The following SLCO6A1 variants were observed in gnomAD, a reference collection of about 807,000 sequenced individuals.
SLCO6A1 encodes the protein solute carrier organic anion transporter family member 6A1, also known as cancer/testis antigen 48.
SLCO6A1 carries 65 observed loss-of-function variants against 72.7 expected under a neutral mutation model. The ratio of observed to expected loss-of-function variants is 0.89; its 90% CI spans 0.73 to 1.10. The LOEUF (loss-of-function observed/expected upper bound fraction) is 1.10, where lower values mean the gene tolerates loss of function less well. Among genes scored for constraint, SLCO6A1 ranks in the 50% least tolerant of loss-of-function variants. SLCO6A1 has a pLI of 0.00. For synonymous variants in SLCO6A1, 314 were observed against 298.2 expected (o/e 1.05, Z -0.55); for missense variants, 874 against 872.6 (o/e 1.00, Z -0.02).
chr5:102,395,326 T>C (rs1561425758), intron 10 of SLCO6A1, among the ~76,000 whole-genome samples: 1 of 152,186 alleles, frequency 6.6e-6, no homozygotes, highest in Non-Finnish European at 1.5e-5. Context: ...TTGCTGAGAA[T>C]GATGGTTTCC....
intron 6 of SLCO6A1, among the ~76,000 whole-genome samples, chr5:102,452,682 G>T (rs1750482558): frequency 6.6e-6 from 1 of 152,114 alleles, no homozygotes; most frequent in African/African-American, 2.4e-5. Flanking sequence ...CAAGAAACAT[G>T]GTAAGAGTAG....
chr5:102,376,396 T>C (rs1745795045), intron 12 of SLCO6A1, among the ~76,000 whole-genome samples: 1 of 152,070 alleles, frequency 6.6e-6, no homozygotes, highest in Non-Finnish European at 1.5e-5. Flanking sequence ...ATCATATTAA[T>C]ATTAAAGACA....
chr5:102,399,562 T>C lies in SLCO6A1; in HGVS notation c.1807A>G (p.Met603Val). The C allele has an allele frequency of 1.3e-6, 2 of 1,542,306 alleles. No individual in the cohort carries two copies. The highest frequency in any genetic ancestry group is 1.8e-6 in the Non-Finnish European group (2 of 1,141,718). ...TGAGTAATATATACATACCGCGTCATGGCCAAGACGATTGGTACACCAGAA... is the reference window on the plus strand; with the variant it reads ...TGAGTAATATATACATACCGCGTCACGGCCAAGACGATTGGTACACCAGAA... ...GFSGVPIVLA[M>V]TRVVPDKLRS... Residue 603 changes from methionine (M) to valine (V), a missense_variant, in exon 10 of 14, where the codon ATG becomes GTG. By Grantham distance (21) the Met-to-Val change is conservative. Coordinates refer to ENST00000506729, the MANE Select transcript of SLCO6A1 (RefSeq NM_173488.5).
intron 10 of SLCO6A1, among the ~76,000 whole-genome samples, chr5:102,394,791 T>C (rs1309042687): frequency 6.6e-6 from 1 of 152,102 alleles, no homozygotes; most frequent in Non-Finnish European, 1.5e-5. Context: ...TAGTTACTTG[T>C]ATGTGCATAA....
At chr5:102,482,544 T>C (rs888405941) in intron 1 of SLCO6A1, among the ~76,000 whole-genome samples, 11 of 152,174 alleles carry the variant, frequency 7.2e-5, no homozygotes, top group African/African-American at 2.4e-4. Context: ...CTGGGAGTGG[T>C]TGAATGTTGT....
intron 9 of SLCO6A1, among the ~76,000 whole-genome samples, chr5:102,411,830 G>T (rs1432945033): frequency 6.6e-6 from 1 of 152,096 alleles, no homozygotes; most frequent in Non-Finnish European, 1.5e-5. Flanking sequence ...GTCCTTTGTG[G>T]GGGGGAAATG....
chr5:102,440,395 G>A (rs563927374), intron 6 of SLCO6A1, among the ~76,000 whole-genome samples: 5 of 152,126 alleles, frequency 3.3e-5, no homozygotes, highest in African/African-American at 9.7e-5. Flanking sequence ...AGGGATTTAG[G>A]TTGTGCGATC....
At chr5:102,465,675 T>C (rs915268035) in intron 4 of SLCO6A1, among the ~76,000 whole-genome samples, 1 of 152,088 alleles carries the variant, frequency 6.6e-6, no homozygotes, top group African/African-American at 2.4e-5. Context: ...GCATCATTAG[T>C]AGTGACAAGG....
intron 1 of SLCO6A1, 39 bp downstream of exon 1, chr5:102,498,448 G>GCTGCCCTCGCCACAACAAACCGCCTC: frequency 6.4e-7 from 1 of 1,574,744 alleles, no homozygotes; most frequent in Non-Finnish European, 8.6e-7. Context: ...TGCGGCCCCA[G>GCTGCCCTCGCCACAACAAACCGCCTC]CTGCCCTCGC....
At chr5:102,498,164 C>T (rs1033043778) in intron 1 of SLCO6A1, among the ~76,000 whole-genome samples, 1 of 152,108 alleles carries the variant, frequency 6.6e-6, no homozygotes, top group Non-Finnish European at 1.5e-5. Flanking sequence ...CTGATCCCAT[C>T]CCAGAATGCT....
chr5:102,447,038 C>A (rs1750150670), intron 6 of SLCO6A1, among the ~76,000 whole-genome samples: 1 of 152,206 alleles, frequency 6.6e-6, no homozygotes, highest in Non-Finnish European at 1.5e-5. Context: ...AGGTGTGAAC[C>A]ACCACGCCCG....
At chr5:102,445,382 T>C (rs1351358577) in intron 6 of SLCO6A1, among the ~76,000 whole-genome samples, 1 of 152,178 alleles carries the variant, frequency 6.6e-6, no homozygotes, top group African/African-American at 2.4e-5. Flanking sequence ...GAAAAGACAC[T>C]CTTGAAAAAG....
intron 4 of SLCO6A1, among the ~76,000 whole-genome samples, chr5:102,474,407 C>T (rs1327088806): frequency 6.6e-6 from 1 of 151,958 alleles, no homozygotes; most frequent in Non-Finnish European, 1.5e-5. Context: ...TACCTTACAC[C>T]ATATACAAAA....
At chr5:102,410,038 A>G (rs1439961650) in intron 9 of SLCO6A1, among the ~76,000 whole-genome samples, 3 of 152,180 alleles carry the variant, frequency 2.0e-5, no homozygotes, top group African/African-American at 7.2e-5. Context: ...TCTGTGGCTA[A>G]TGTGCCTTTG....
intron 12 of SLCO6A1, among the ~76,000 whole-genome samples, chr5:102,384,268 C>T (rs1746283607): frequency 6.6e-6 from 1 of 151,874 alleles, no homozygotes; most frequent in African/African-American, 2.4e-5. Flanking sequence ...TGAGGTGTAA[C>T]ATTAGATTCA....
At chr5:102,478,747 G>A (rs932099667) in intron 2 of SLCO6A1, among the ~76,000 whole-genome samples, 32 of 152,076 alleles carry the variant, frequency 2.1e-4, no homozygotes, top group African/African-American at 7.2e-4. Flanking sequence ...TTAACCATGG[G>A]TTGACATTTA....
At chr5:102,490,128 T>A (rs1466116006) in intron 1 of SLCO6A1, among the ~76,000 whole-genome samples, 3 of 152,182 alleles carry the variant, frequency 2.0e-5, no homozygotes, top group African/African-American at 7.2e-5. Flanking sequence ...CAATGAGTAC[T>A]AAGTTACAGT....
intron 2 of SLCO6A1, among the ~76,000 whole-genome samples, chr5:102,478,433 T>C (rs940516797): frequency 6.6e-6 from 1 of 152,220 alleles, no homozygotes; most frequent in African/African-American, 2.4e-5. Flanking sequence ...GTTCACCTCT[T>C]TAACAATCTT....
Position 102,420,036 on chromosome 5 carries a change from G to A in SLCO6A1, c.1277-15C>T, listed in dbSNP as rs768436043. The A allele has an allele frequency of 6.4e-7, 1 of 1,552,448 alleles. No homozygotes were observed. The highest frequency in any genetic ancestry group is 1.2e-5 in the South Asian group (1 of 80,596). ...TAAAACAAGTCCTAAAAAAAAGGAGGAGAAAAACACAGTTAAAAATAATCA... is the reference window on the plus strand; with the variant it reads ...TAAAACAAGTCCTAAAAAAAAGGAGAAGAAAAACACAGTTAAAAATAATCA... On this transcript the variant is annotated splice_polypyrimidine_tract_variant and intron_variant, in intron 7 of 13. Coordinates refer to ENST00000506729, the MANE Select transcript of SLCO6A1 (RefSeq NM_173488.5).
Sources: allele counts gnomAD v4.1 joint callset (sites outside exome capture counted in the v4.1 genomes callset), GRCh38; gene constraint gnomAD v4.1.1; transcripts MANE v1.5; gene names NCBI Gene and HGNC (gene_info 2026-07-23, HGNC 2026-07-21).